The following ASB1 variants were observed in gnomAD, a reference collection of about 807,000 sequenced individuals.
The protein encoded by ASB1 is ankyrin repeat and SOCS box containing 1.
Under a neutral mutation model 27.7 loss-of-function variants are expected in ASB1, and 18 were observed. The observed-to-expected ratio is 0.65, with a 90% CI of 0.45 to 0.96. The LOEUF (loss-of-function observed/expected upper bound fraction) is 0.96. Among genes scored for constraint, ASB1 ranks in the 50% least tolerant of loss-of-function variants. The pLI, the probability that ASB1 is intolerant of heterozygous loss-of-function variation, is 0.00. For synonymous variants in ASB1, 189 were observed against 187.6 expected (o/e 1.01, Z -0.06); for missense variants, 397 against 451.7 (o/e 0.88, Z 1.10).
Position 238,447,283 on chromosome 2 carries a change from C to T in ASB1, c.*772C>T, listed in dbSNP as rs1483054953. 1 of 152,706 alleles carries T rather than the reference C, an allele frequency of 6.5e-6. No homozygotes were observed. The highest frequency in any genetic ancestry group is 1.9e-4 in the East Asian group (1 of 5,200). 9.5% of individuals were successfully genotyped at this position (152,706 alleles called of 1,614,324 possible). On this transcript the variant is annotated 3_prime_UTR_variant, in exon 5 of 5. Coordinates refer to ENST00000264607, the MANE Select transcript of ASB1 (RefSeq NM_001040445.3). ...GTTCCAACAGCATTCACTGCCAGTT[C>T]TAATAGGCGAGGAAAATGCCCGAGG...
Position 238,452,088 on chromosome 2 carries a change from T to A in ASB1, c.*5577T>A, listed in dbSNP as rs978604501. The A allele has an allele frequency of 6.6e-6, 1 of 152,172 alleles. No homozygotes were observed. The highest frequency in any genetic ancestry group is 2.1e-4 in the South Asian group (1 of 4,826). 9.4% of individuals were successfully genotyped at this position (152,172 alleles called of 1,614,324 possible). ...GCAAGGTACCGTTGTCCCCACAGTG[T>A]TCCGTGGGGTAGGGGGTGATGGAGA... On this transcript the variant is annotated 3_prime_UTR_variant, in exon 5 of 5. Coordinates refer to ENST00000264607, the MANE Select transcript of ASB1 (RefSeq NM_001040445.3).
intron 1 of ASB1, among the ~76,000 whole-genome samples, chr2:238,432,049 G>A (rs1256878627): frequency 6.6e-6 from 1 of 152,198 alleles, no homozygotes; most frequent in Non-Finnish European, 1.5e-5. Flanking sequence ...ACAATTACGT[G>A]TGAAGCTTGA....
At position 238,444,788 on chromosome 2, in the gene ASB1, A is replaced by G. The variant is rs1575008553; in HGVS notation, c.880+61A>G. Reference sequence around the variant, plus strand: ...GGGTTGATTGAATGAATCAAGATGTAGCAATAAACAAAAAACAAAAACCTC... The same window carrying G: ...GGGTTGATTGAATGAATCAAGATGTGGCAATAAACAAAAAACAAAAACCTC... On this transcript the variant is annotated intron_variant, in intron 4 of 4. Coordinates refer to ENST00000264607, the MANE Select transcript of ASB1 (RefSeq NM_001040445.3). The G allele has an allele frequency of 2.0e-6, 3 of 1,498,756 alleles. No individual in the cohort carries two copies. In the East Asian group the frequency reaches 6.8e-5, roughly 34 times the overall value. The allele number at this position is 1,498,756 out of a possible 1,614,324, so 92.8% of individuals were successfully genotyped here.
rs530151293 is a variant in ASB1, at chr2:238,449,068, A to G, written c.*2557A>G. On this transcript the variant is annotated 3_prime_UTR_variant, in exon 5 of 5. Transcript: ENST00000264607. ...TCTCTGTTCAAGCCAGCCTTTGCCAATTTTTTCAGAATCCAAACAATTTGG... is the reference window on the plus strand; with the variant it reads ...TCTCTGTTCAAGCCAGCCTTTGCCAGTTTTTTCAGAATCCAAACAATTTGG... 1.3e-5 allele frequency: 2 copies of G among 152,284 alleles called. No homozygotes were observed. The highest frequency in any genetic ancestry group is 4.8e-5 in the African/African-American group (2 of 41,548). The allele number at this position is 152,284 out of a possible 1,614,324, so 9.4% of individuals were successfully genotyped here. A position where few individuals can be genotyped will look rare whatever the true frequency, so the allele number is the denominator to read the frequency against.
intron 1 of ASB1, among the ~76,000 whole-genome samples, chr2:238,428,864 A>G (rs1701813207): frequency 6.6e-6 from 1 of 152,198 alleles, no homozygotes; most frequent in Non-Finnish European, 1.5e-5. Context: ...GCTCAGCAAA[A>G]GTCCTGTGGC....
At position 238,446,816 on chromosome 2, in the gene ASB1, C is replaced by T. The variant is rs1205514286; in HGVS notation, c.*305C>T. The T allele has an allele frequency of 6.8e-6, 2 of 294,776 alleles. No homozygotes were observed. The highest frequency in any genetic ancestry group is 4.5e-5 in the African/African-American group (2 of 44,720). The allele number at this position is 294,776 out of a possible 1,614,324, so 18.3% of individuals were successfully genotyped here. ...TGTAGGGGCTGAGGTTGGAGGCCTA[C>T]TAATTTCCCTGTAGGGAAGACTCCC... On this transcript the variant is annotated 3_prime_UTR_variant, in exon 5 of 5. Coordinates refer to ENST00000264607, the MANE Select transcript of ASB1 (RefSeq NM_001040445.3).
At chr2:238,441,764 G>A (rs1193848248) in intron 3 of ASB1, among the ~76,000 whole-genome samples, 2 of 152,222 alleles carry the variant, frequency 1.3e-5, no homozygotes, top group African/African-American at 4.8e-5. Context: ...CCAGCTGTTA[G>A]GGATGGTGCT....
intron 1 of ASB1, 106 bp downstream of exon 1, chr2:238,427,225 C>G (rs1192507338): frequency 2.2e-6 from 2 of 895,856 alleles, no homozygotes; most frequent in Non-Finnish European, 1.5e-6. Flanking sequence ...CTGGCCGGGT[C>G]CACGGGGCAG....
At chr2:238,440,399 A>G (rs1327394389) in intron 3 of ASB1, among the ~76,000 whole-genome samples, 1 of 152,196 alleles carries the variant, frequency 6.6e-6, no homozygotes. Flanking sequence ...TCATGCCACA[A>G]GGTTCATCCT....
chr2:238,435,030 C>A (rs1219438185), intron 2 of ASB1: 1 of 152,242 alleles, frequency 6.6e-6, no homozygotes, highest in African/African-American at 2.4e-5. Flanking sequence ...GAGCTTTGTT[C>A]TCAGTGACAC....
In ASB1 at chr2:238,427,100, G is replaced by A. The variant is rs1701770607; in HGVS notation, c.30G>A (p.Arg10=). MAEGGSPDG[R]AGPGSAGRNL... Reference sequence around the variant, plus strand: ...CGGAGGGCGGCAGCCCAGACGGGCGGGCAGGGCCGGGCTCCGCAGGTAACG... The same window carrying A: ...CGGAGGGCGGCAGCCCAGACGGGCGAGCAGGGCCGGGCTCCGCAGGTAACG... The change falls in exon 1 of 5, where the codon CGG becomes CGA. Residue 10 remains arginine (R), a synonymous_variant. Transcript: ENST00000264607. The A allele has an allele frequency of 7.9e-7, 1 of 1,258,846 alleles. No homozygotes were observed. The highest frequency in any genetic ancestry group is 1.0e-6 in the Non-Finnish European group (1 of 1,002,856). 78.0% of individuals were successfully genotyped at this position (1,258,846 alleles called of 1,614,324 possible).
At chr2:238,432,069 A>G (rs1322653204) in intron 1 of ASB1, among the ~76,000 whole-genome samples, 2 of 152,176 alleles carry the variant, frequency 1.3e-5, no homozygotes, top group African/African-American at 4.8e-5. Context: ...ATAAAGTGAA[A>G]TGCAGTGAAA....
At chr2:238,444,848 C>G in intron 4 of ASB1, 121 bp downstream of exon 4, 4 of 1,109,616 alleles carry the variant, frequency 3.6e-6, no homozygotes, top group Non-Finnish European at 3.7e-6. Context: ...TCAGTTAGAA[C>G]TCGCAGTTTT....
intron 3 of ASB1, among the ~76,000 whole-genome samples, chr2:238,439,853 T>A (rs1702047280): frequency 6.6e-6 from 1 of 152,222 alleles, no homozygotes; most frequent in African/African-American, 2.4e-5. Context: ...AAGCTATTCC[T>A]TTTCTCTCTG....
At chr2:238,438,994 G>A (rs1189791986) in intron 3 of ASB1, among the ~76,000 whole-genome samples, 1 of 152,224 alleles carries the variant, frequency 6.6e-6, no homozygotes, top group Non-Finnish European at 1.5e-5. Flanking sequence ...ATTTTTATGA[G>A]TGGATGAAGG....
chr2:238,436,065 C>T, intron 3 of ASB1, 52 bp downstream of exon 3: 1 of 1,470,280 alleles, frequency 6.8e-7, no homozygotes, highest in Non-Finnish European at 9.0e-7. Context: ...TTTTTCTTCT[C>T]TGTATTTTGC....
At chr2:238,432,302 G>A (rs3769116) in intron 1 of ASB1, among the ~76,000 whole-genome samples, 422 of 152,226 alleles carry the variant, frequency 2.8e-3, no homozygotes, top group East Asian at 5.2e-3. Context: ...AATGGGTCAC[G>A]CTTTATTTAA....
chr2:238,441,224 C>T (rs1218877256), intron 3 of ASB1, among the ~76,000 whole-genome samples: 1 of 151,790 alleles, frequency 6.6e-6, no homozygotes, highest in Non-Finnish European at 1.5e-5. Flanking sequence ...AACCTCTGCC[C>T]CCTGGGTTCA....
intron 1 of ASB1, 95 bp downstream of exon 1, chr2:238,427,214 G>C: frequency 3.0e-6 from 3 of 992,014 alleles, no homozygotes; most frequent in East Asian, 3.4e-5. Flanking sequence ...CTCGTCCCGG[G>C]CTGGCCGGGT....
Sources: allele counts gnomAD v4.1 joint callset (sites outside exome capture counted in the v4.1 genomes callset), GRCh38; gene constraint gnomAD v4.1.1; transcripts MANE v1.5; gene names NCBI Gene and HGNC (gene_info 2026-07-23, HGNC 2026-07-21).